IQCM: variants seen among roughly 807,000 people sequenced by gnomAD.
IQCM encodes IQ domain-containing protein M.
Under a neutral mutation model 57.6 loss-of-function variants are expected in IQCM, and 45 were observed. That is an observed-to-expected ratio of 0.78 (90% CI 0.62 to 1.00). The LOEUF (loss-of-function observed/expected upper bound fraction) is 1.00, where lower values mean the gene tolerates loss of function less well. IQCM is among the 50% of genes least tolerant of loss of function. IQCM has a pLI of 0.00. For synonymous variants in IQCM, 148 were observed against 158.9 expected, an observed-to-expected ratio of 0.93 and a Z score of 0.51; for missense variants, 468 against 511.6, an observed-to-expected ratio of 0.91 and a Z score of 0.82.
At chr4:149,569,471 C>G in intron 9 of IQCM, among the ~76,000 whole-genome samples, 1 of 152,032 alleles carries the variant, frequency 6.6e-6, no homozygotes, top group South Asian at 2.1e-4. Context: ...CAGTAGAGGA[C>G]TCCATTCCTC....
intron 12 of IQCM, among the ~76,000 whole-genome samples, chr4:149,440,528 A>C (rs1009846846): frequency 2.0e-5 from 3 of 152,144 alleles, no homozygotes; most frequent in Admixed American, 6.6e-5. Flanking sequence ...AGTAATTGGC[A>C]GTTGACTATA....
At chr4:149,620,955 A>T (rs1275250928) in intron 8 of IQCM, among the ~76,000 whole-genome samples, 174 bp downstream of exon 8, 1 of 152,196 alleles carries the variant, frequency 6.6e-6, no homozygotes, top group Non-Finnish European at 1.5e-5. Flanking sequence ...GATTTACACA[A>T]GACACAAGAA....
chr4:149,539,675 A>G (rs2149873833), intron 12 of IQCM, among the ~76,000 whole-genome samples: 1 of 152,262 alleles, frequency 6.6e-6, no homozygotes, highest in African/African-American at 2.4e-5. Context: ...AGGCTGGCCA[A>G]CATGGTGAAA....
At chr4:149,497,687 G>A (rs559040594) in intron 12 of IQCM, among the ~76,000 whole-genome samples, 61 of 150,582 alleles carry the variant, frequency 4.1e-4, no homozygotes, top group South Asian at 8.4e-4. Context: ...AAACCATATC[G>A]GTCACTTTTC....
intron 12 of IQCM, among the ~76,000 whole-genome samples, chr4:149,454,175 C>T (rs879314852): frequency 0.024 from 2,887 of 118,136 alleles, 36 homozygotes; most frequent in Non-Finnish European, 0.039. Context: ...TATACACACA[C>T]ACACACACAC....
chr4:149,357,538 G>C (rs568306236), intron 13 of IQCM, among the ~76,000 whole-genome samples: 4 of 152,280 alleles, frequency 2.6e-5, no homozygotes, highest in Non-Finnish European at 4.4e-5. Flanking sequence ...TTTATATGAT[G>C]GATTACGTTT....
chr4:149,449,560 T>A (rs886079663), intron 12 of IQCM, among the ~76,000 whole-genome samples: 1 of 150,940 alleles, frequency 6.6e-6, no homozygotes, highest in African/African-American at 2.4e-5. Context: ...CATTTCTATA[T>A]GCCAACAGTG....
chr4:149,506,919 T>C (rs1743877335), intron 12 of IQCM, among the ~76,000 whole-genome samples: 1 of 152,166 alleles, frequency 6.6e-6, no homozygotes, highest in Non-Finnish European at 1.5e-5. Flanking sequence ...ACTGCATCAC[T>C]ACCCAGCTGA....
intron 13 of IQCM, among the ~76,000 whole-genome samples, chr4:149,431,228 G>T (rs1159100827): frequency 6.6e-6 from 1 of 151,826 alleles, no homozygotes; most frequent in Non-Finnish European, 1.5e-5. Flanking sequence ...AAAGAAAATA[G>T]ATAAATAAAT....
intron 8 of IQCM, among the ~76,000 whole-genome samples, chr4:149,618,022 G>C (rs1395306102): frequency 2.0e-5 from 3 of 152,050 alleles, no homozygotes; most frequent in Admixed American, 6.5e-5. Flanking sequence ...AATTTATATG[G>C]AAGCAAAAAA....
intron 13 of IQCM, among the ~76,000 whole-genome samples, chr4:149,420,059 T>C (rs1734019989): frequency 6.6e-6 from 1 of 152,144 alleles, no homozygotes; most frequent in Admixed American, 6.6e-5. Flanking sequence ...GTAAATTAGT[T>C]CAACCATTGT....
chr4:149,803,966 A>T (rs1310540990), intron 2 of IQCM, among the ~76,000 whole-genome samples: 1 of 151,910 alleles, frequency 6.6e-6, no homozygotes, highest in African/African-American at 2.4e-5. Flanking sequence ...GATCTTCAAA[A>T]GTGCTTCTTA....
chr4:149,731,915 T>C (rs1766496722), intron 5 of IQCM, among the ~76,000 whole-genome samples: 2 of 152,154 alleles, frequency 1.3e-5, no homozygotes, highest in African/African-American at 4.8e-5. Context: ...ACTGAATCAC[T>C]CAGGACTAAC....
chr4:149,696,889 A>G (rs1763380299), intron 5 of IQCM, among the ~76,000 whole-genome samples: 1 of 152,190 alleles, frequency 6.6e-6, no homozygotes, highest in South Asian at 2.1e-4. Flanking sequence ...GATAGGGTCA[A>G]TCTCAAATTT....
At chr4:149,502,954 C>G (rs182850073) in intron 12 of IQCM, among the ~76,000 whole-genome samples, 4 of 151,734 alleles carry the variant, frequency 2.6e-5, no homozygotes, top group Admixed American at 2.0e-4. Context: ...AGGCCGGGCA[C>G]GGTGGCTCAT....
chr4:149,417,569 A>T (rs1399346144), intron 13 of IQCM, among the ~76,000 whole-genome samples: 2 of 152,142 alleles, frequency 1.3e-5, no homozygotes, highest in East Asian at 3.9e-4. Context: ...ACTAAATTAG[A>T]AACATAATTC....
chr4:149,435,413 T>C (rs1027372166), intron 12 of IQCM, among the ~76,000 whole-genome samples: 2 of 152,094 alleles, frequency 1.3e-5, no homozygotes, highest in African/African-American at 4.8e-5. Flanking sequence ...TTTATGATGA[T>C]GCTGGTGTAA....
intron 12 of IQCM, among the ~76,000 whole-genome samples, chr4:149,464,662 C>T (rs913465396): frequency 1.3e-5 from 2 of 152,078 alleles, no homozygotes; most frequent in African/African-American, 4.8e-5. Flanking sequence ...CTTGCTTGAC[C>T]TAGGGGATCT....
chr4:149,720,022 G>A (rs755551692), intron 5 of IQCM, among the ~76,000 whole-genome samples: 59 of 152,240 alleles, frequency 3.9e-4, no homozygotes, highest in Non-Finnish European at 7.2e-4. Context: ...AGAAGAGGTG[G>A]TATTATTTAC....
Sources: gnomAD v4.1 joint callset for allele counts (sites outside exome capture counted in the v4.1 genomes callset) on GRCh38, gnomAD v4.1.1 for gene constraint, MANE v1.5 for transcripts, NCBI Gene and HGNC (gene_info 2026-07-23, HGNC 2026-07-21) for gene names.